RTEL1: variants seen among roughly 807,000 people sequenced by gnomAD.
The protein encoded by RTEL1 is regulator of telomere elongation helicase 1.
In RTEL1, 86 loss-of-function variants were observed where a neutral mutation model predicts 162.2. The ratio of observed to expected loss-of-function variants is 0.53; its 90% CI spans 0.45 to 0.63. RTEL1 has a LOEUF of 0.63. RTEL1 is among the 30% of genes least tolerant of loss of function. The pLI is 0.00. For missense variants in RTEL1, 1,941 were observed against 1,750.2 expected (o/e 1.11, Z -1.95); for synonymous variants, 958 against 717.9 (o/e 1.33, Z -5.35).
chr20:63,684,432 C>T (rs2090546384), intron 14 of RTEL1, among the ~76,000 whole-genome samples: 1 of 152,154 alleles, frequency 6.6e-6, no homozygotes, highest in African/African-American at 2.4e-5. Flanking sequence ...CGGCTCACTG[C>T]AAGCTCCGCC....
At chr20:63,685,765 C>G in intron 15 of RTEL1, 26 bp from the exon 16 acceptor site, 1 of 1,608,378 alleles carries the variant, frequency 6.2e-7, no homozygotes, top group African/African-American at 1.3e-5. Flanking sequence ...GCGGGGCCTC[C>G]ACACTCCTGG....
intron 26 of RTEL1, 50 bp downstream of exon 26, chr20:63,690,491 GGCGTGGGGCGGGCA>G: frequency 7.3e-7 from 1 of 1,377,004 alleles, no homozygotes; most frequent in Non-Finnish European, 9.8e-7. Flanking sequence ...CGGAGCGGGC[GGCGTGGGGCGGGCA>G]GCACCAGGCG....
intron 14 of RTEL1, 172 bp downstream of exon 14, chr20:63,680,891 G>A (rs1440057988): frequency 1.0e-6 from 1 of 981,026 alleles, no homozygotes; most frequent in African/African-American, 1.7e-5. Context: ...AACCCACACT[G>A]GGCCTCCTGC....
intron 30 of RTEL1, 94 bp downstream of exon 30, chr20:63,693,377 C>T (rs998195878): frequency 9.4e-6 from 14 of 1,481,854 alleles, no homozygotes; most frequent in East Asian, 2.3e-5. Flanking sequence ...TCCTCGGGCC[C>T]TGCTTGGCCC....
Position 63,690,966 on chromosome 20 carries a change from G to T in RTEL1, c.2556+19G>T. ...GGAGCAGGTACAGTTCCAGGGCCTT[G>T]GGATGGACACAGACCCTCTGTCTCC... On this transcript the variant is annotated intron_variant, in intron 27 of 34. Transcript: ENST00000360203. 1.9e-6 allele frequency: 3 copies of T among 1,543,502 alleles called. No individual in the cohort carries two copies. In the South Asian group the frequency reaches 3.6e-5, roughly 18 times the overall value.
intron 22 of RTEL1, 88 bp from the exon 23 acceptor site, chr20:63,689,414 G>A: frequency 3.5e-6 from 5 of 1,413,156 alleles, no homozygotes. Context: ...GTTGGGGACG[G>A]AGCCTCGGGG....
rs113684274 is a variant in RTEL1 at position 63,678,280 on chromosome 20, G to A, written c.971G>A (p.Arg324His). 551 of 1,612,538 alleles carry A rather than the reference G, an allele frequency of 3.4e-4. No individual in the cohort carries two copies. The highest frequency in any genetic ancestry group is 1.1e-3 in the African/African-American group (84 of 75,000). Residue 324 changes from arginine to histidine, a missense_variant, in exon 12 of 35, where the codon CGC becomes CAC. Transcript: ENST00000360203. ...DIAKLKMILL[R>H]LEGAIDAVEL... is the part of the protein sequence containing the mutation. ...CCTCGACCCACAGTGATCCTGCTGC[G>A]CCTGGAGGGGGCCATCGATGCTGTT...
In RTEL1 at chr20:63,690,445, C is replaced by G. The variant is rs761756257; in HGVS notation, c.2413+4C>G. 26 of 1,240,108 alleles carry G rather than the reference C, an allele frequency of 2.1e-5. No individual in the cohort carries two copies. The East Asian group carries it at 1.3e-3, about 60-fold the overall frequency. 76.8% of individuals were successfully genotyped at this position (1,240,108 alleles called of 1,614,324 possible). On this transcript the variant is annotated splice_donor_region_variant and intron_variant, in intron 26 of 34. Transcript: ENST00000360203. ...AGCCTGAAGCAGAGGTCCTCAGGTGCGGACGGGCAGCGCTGGGTGGGCGGT... is the reference window on the plus strand; with the variant it reads ...AGCCTGAAGCAGAGGTCCTCAGGTGGGGACGGGCAGCGCTGGGTGGGCGGT...
At chr20:63,688,957 G>T in intron 21 of RTEL1, 98 bp from the exon 22 acceptor site, 1 of 1,101,238 alleles carries the variant, frequency 9.1e-7, no homozygotes, top group Non-Finnish European at 1.4e-6. Context: ...TGGCTAGGAC[G>T]ATCCTTCATC....
intron 12 of RTEL1, 41 bp from the exon 13 acceptor site, chr20:63,679,807 GT>G: frequency 1.3e-6 from 2 of 1,499,376 alleles, no homozygotes; most frequent in Middle Eastern, 2.4e-4. Flanking sequence ...CTGCAGTCTG[GT>G]CCCCCCGCCA....
At chr20:63,675,176 A>T (rs887866112) in intron 10 of RTEL1, among the ~76,000 whole-genome samples, 1 of 152,174 alleles carries the variant, frequency 6.6e-6, no homozygotes, top group Non-Finnish European at 1.5e-5. Context: ...AAGTGCTGGG[A>T]TTACAGGCGT....
At position 63,694,287 on chromosome 20, in the gene RTEL1, C is replaced by T. The variant is rs765061310; in HGVS notation, c.2993-85C>T. ...CTGGTCTGAGGTGGGTGAGGCCTGGCCTCCCTAGCCAGCCCTGCCCCCCCA... is the reference window on the plus strand; with the variant it reads ...CTGGTCTGAGGTGGGTGAGGCCTGGTCTCCCTAGCCAGCCCTGCCCCCCCA... On this transcript the variant is annotated intron_variant, in intron 30 of 34. Coordinates refer to ENST00000360203, the MANE Select transcript of RTEL1 (RefSeq NM_001283009.2). 11 of 1,162,260 alleles carry T rather than the reference C, an allele frequency of 9.5e-6. No homozygotes were observed. In the East Asian group the frequency reaches 1.2e-4, roughly 13 times the overall value. 72.0% of individuals were successfully genotyped at this position (1,162,260 alleles called of 1,614,324 possible).
At chr20:63,681,824 C>T (rs1301991463) in intron 14 of RTEL1, 1 of 985,270 alleles carries the variant, frequency 1.0e-6, no homozygotes, top group Non-Finnish European at 1.2e-6. Flanking sequence ...GCTGGAAGGA[C>T]AGCACTGCCT....
chr20:63,695,977 T>C lies in RTEL1; in HGVS notation c.*119T>C. The stretch of plus-strand genomic sequence containing the variant: ...GCCCATGCCAGCCGGCTTGGCCCGC[T>C]GCAGGCCTCAGGCAGGCGGGGCCCA... On this transcript the variant is annotated 3_prime_UTR_variant, in exon 35 of 35. Transcript: ENST00000360203. The C allele has an allele frequency of 9.7e-7, 1 of 1,028,984 alleles. No individual in the cohort carries two copies. The highest frequency in any genetic ancestry group is 1.4e-6 in the Non-Finnish European group (1 of 712,206). The allele number at this position is 1,028,984 out of a possible 1,614,324, so 63.7% of individuals were successfully genotyped here.
At chr20:63,670,944 C>T (rs1431071265) in intron 8 of RTEL1, among the ~76,000 whole-genome samples, 1 of 152,200 alleles carries the variant, frequency 6.6e-6, no homozygotes, top group East Asian at 1.9e-4. Context: ...GACCGTGGTA[C>T]CCGAACACTA....
chr20:63,688,996 TGG>T, intron 21 of RTEL1, 57 bp from the exon 22 acceptor site: 1 of 1,440,956 alleles, frequency 6.9e-7, no homozygotes, highest in Non-Finnish European at 9.7e-7. Context: ...GTCTCCCTCA[TGG>T]GGGAGGAAGG....
chr20:63,679,700 C>G (rs2090442591), intron 12 of RTEL1, 149 bp from the exon 13 acceptor site: 2 of 684,668 alleles, frequency 2.9e-6, no homozygotes, highest in Admixed American at 4.3e-5. Context: ...ATTTCCCCCT[C>G]CAGGCTCGAG....
chr20:63,690,810 C>A lies in RTEL1; in HGVS notation c.2419C>A (p.Pro807Thr). The change falls in exon 27 of 35, where the codon CCA (proline) becomes ACA (threonine). Residue 807 changes from proline (P) to threonine (T), a missense_variant. Coordinates refer to ENST00000360203, the MANE Select transcript of RTEL1 (RefSeq NM_001283009.2). ...GCACTCGGGTGCCCCTGCAGGGTCA[C>A]CAGCTGCCGGGGACCCCGAGAGTAG... ...PSLKQRSSGSPAAGDPESSLC... is the reference protein window; with the variant it reads ...PSLKQRSSGSTAAGDPESSLC... 6.2e-7 allele frequency: 1 copy of A among 1,602,902 alleles called. No homozygotes were observed. Among genetic ancestry groups the A allele is most frequent in the South Asian group, 1.1e-5 (1 of 89,590 alleles).
In RTEL1 at chr20:63,688,126, T is replaced by C. The variant is rs758429191; in HGVS notation, c.1596-13T>C. On this transcript the variant is annotated splice_polypyrimidine_tract_variant and intron_variant, in intron 18 of 34. Transcript: ENST00000360203. ...AGGCCTGAGGTCCTGAGCAGTGGCCTCTCCGGCTCTAGGTTTTCCGAGGAG... is the reference window on the plus strand; with the variant it reads ...AGGCCTGAGGTCCTGAGCAGTGGCCCCTCCGGCTCTAGGTTTTCCGAGGAG... 1 of 1,612,506 alleles carries C rather than the reference T, an allele frequency of 6.2e-7. No homozygotes were observed. Among genetic ancestry groups the C allele is most frequent in the East Asian group, 2.2e-5 (1 of 44,872 alleles).
Sources: allele counts gnomAD v4.1 joint callset (sites outside exome capture counted in the v4.1 genomes callset), GRCh38; gene constraint gnomAD v4.1.1; transcripts MANE v1.5; gene names NCBI Gene and HGNC (gene_info 2026-07-23, HGNC 2026-07-21).